The following KDSR variants were observed in gnomAD, a reference collection of about 807,000 sequenced individuals.
The protein encoded by KDSR is 3-dehydrosphinganine reductase.
KDSR carries 23 observed loss-of-function variants against 41.3 expected under a neutral mutation model. That is an observed-to-expected ratio of 0.56 (90% CI 0.40 to 0.79). The LOEUF is 0.79. Ranked by LOEUF, KDSR falls within the 30% of genes least tolerant of loss-of-function variation. The probability of loss-of-function intolerance (pLI) is 0.00; values close to 1 mark genes in which losing one functional copy is unlikely to be tolerated. For missense variants in KDSR, 351 were observed against 416.8 expected (o/e 0.84, Z 1.37); for synonymous variants, 138 against 151.7 (o/e 0.91, Z 0.66).
At chr18:63,344,640 T>C (rs1394493586) in intron 6 of KDSR, 147 bp from the exon 7 acceptor site, 14 of 555,796 alleles carry the variant, frequency 2.5e-5, no homozygotes, top group Non-Finnish European at 4.5e-5. Flanking sequence ...CCAATTGCAT[T>C]GAGAAACCCC....
rs201719061 is a variant in KDSR, at chr18:63,330,799, C to CT, written c.*982dup. 124 of 217,000 alleles carry CT rather than the reference C, an allele frequency of 5.7e-4. No individual in the cohort carries two copies. Among genetic ancestry groups the CT allele is most frequent in the African/African-American group, 2.7e-3 (114 of 42,674 alleles). 13.4% of individuals were successfully genotyped at this position (217,000 alleles called of 1,614,324 possible). A position where few individuals can be genotyped will look rare whatever the true frequency, so the allele number is the denominator to read the frequency against. ...AGTCAAGTCGAAAATTTTAGCTGGT[C>CT]TTTTTTTTCCTTTTTTTTTTTTTTT... On this transcript the variant is annotated 3_prime_UTR_variant, in exon 10 of 10. Transcript: ENST00000645214.
intron 5 of KDSR, among the ~76,000 whole-genome samples, chr18:63,351,694 T>G (rs546154162): frequency 6.6e-6 from 1 of 152,340 alleles, no homozygotes; most frequent in East Asian, 1.9e-4. Flanking sequence ...CCACTGGCTC[T>G]CCCATTATGA....
In KDSR at chr18:63,361,205, G is replaced by A. The variant is rs1436868065; in HGVS notation, c.199-1413C>T. 2.9e-4 allele frequency among the ~76,000 whole-genome samples: 17 copies of A among 59,310 alleles called. No individual in the cohort carries two copies. The Admixed American group carries it at 3.0e-3, about 10-fold the overall frequency. The allele number at this position is 59,310 out of a possible 152,430, so 38.9% of individuals were successfully genotyped here. ...AGCCTGGGTTACAGAGCAAAACTCC[G>A]TCTCAAAAAAAAAAAAAAAAAAAAA... On this transcript the variant is annotated intron_variant, in intron 2 of 9. Coordinates refer to ENST00000645214, the MANE Select transcript of KDSR (RefSeq NM_002035.4).
At position 63,330,367 on chromosome 18, in the gene KDSR, C is replaced by T. The variant is rs1214673935; in HGVS notation, c.*1415G>A. The T allele has an allele frequency of 4.4e-6, 1 of 226,876 alleles. No homozygotes were observed. The highest frequency in any genetic ancestry group is 8.8e-6 in the Non-Finnish European group (1 of 114,192). 14.1% of individuals were successfully genotyped at this position (226,876 alleles called of 1,614,324 possible). ...AGATCAAGGTGAAGGCAGCTCTCCT[C>T]AAGTCAGAGGAGTGTGAACAATGAG... On this transcript the variant is annotated 3_prime_UTR_variant, in exon 10 of 10. Transcript: ENST00000645214.
chr18:63,366,740 G>C (rs1300301298), intron 1 of KDSR: 1 of 361,118 alleles, frequency 2.8e-6, no homozygotes, highest in African/African-American at 2.1e-5. Context: ...AGAACCCCTG[G>C]GGCCCCGGGA....
At chr18:63,353,627 C>A (rs1027345662) in intron 5 of KDSR, among the ~76,000 whole-genome samples, 1 of 152,118 alleles carries the variant, frequency 6.6e-6, no homozygotes, top group Non-Finnish European at 1.5e-5. Flanking sequence ...GTGGTCGATC[C>A]ATACAAAGGA....
intron 3 of KDSR, among the ~76,000 whole-genome samples, chr18:63,356,962 A>G (rs1188754106): frequency 2.0e-5 from 3 of 152,256 alleles, no homozygotes. Flanking sequence ...AATTGCAAAA[A>G]TAAAAATACA....
intron 3 of KDSR, among the ~76,000 whole-genome samples, chr18:63,358,201 ATAT>A (rs1914858233): frequency 6.6e-6 from 1 of 151,966 alleles, no homozygotes; most frequent in African/African-American, 2.4e-5. Flanking sequence ...AATAATAATA[ATAT>A]TGAGTGAAGA....
intron 3 of KDSR, chr18:63,359,417 C>A: frequency 4.4e-6 from 1 of 228,764 alleles, no homozygotes; most frequent in Non-Finnish European, 8.6e-6. Flanking sequence ...TCAAAAATTC[C>A]ATAACCAAAT....
intron 9 of KDSR, among the ~76,000 whole-genome samples, chr18:63,333,374 CCATACT>C (rs1914069379): frequency 2.0e-5 from 3 of 152,312 alleles, no homozygotes; most frequent in Non-Finnish European, 4.4e-5. Context: ...GCATGAGCCA[CCATACT>C]CAGGTGCAAT....
At chr18:63,334,748 T>TGAGCA (rs1914107505) in intron 9 of KDSR, among the ~76,000 whole-genome samples, 1 of 152,222 alleles carries the variant, frequency 6.6e-6, no homozygotes, top group Admixed American at 6.5e-5. Flanking sequence ...GTACAGTGCC[T>TGAGCA]AGCACACCAA....
chr18:63,351,812 C>T (rs1299355194), intron 5 of KDSR, among the ~76,000 whole-genome samples: 1 of 151,980 alleles, frequency 6.6e-6, no homozygotes, highest in African/African-American at 2.4e-5. Context: ...GAGACGGGGT[C>T]TCACTCTGTC....
At chr18:63,361,056 AT>A (rs1914963213) in intron 2 of KDSR, among the ~76,000 whole-genome samples, 5 of 135,316 alleles carry the variant, frequency 3.7e-5, no homozygotes, top group Admixed American at 1.6e-4. Flanking sequence ...TATTTTATAT[AT>A]ATGTAAATAT....
intron 5 of KDSR, among the ~76,000 whole-genome samples, chr18:63,353,923 G>A (rs1423456596): frequency 6.6e-6 from 1 of 151,990 alleles, no homozygotes; most frequent in Non-Finnish European, 1.5e-5. Context: ...TTGTGAATAT[G>A]CTGAATCCCT....
Position 63,335,366 on chromosome 18 carries a change from A to T in KDSR, c.778-8T>A. On this transcript the variant is annotated splice_polypyrimidine_tract_variant and splice_region_variant and intron_variant, in intron 8 of 9. Coordinates refer to ENST00000645214, the MANE Select transcript of KDSR (RefSeq NM_002035.4). ...ACTGTTGAAATTTCCTTGCTAAAAG[A>T]GAAGAAAAAGAAGAGAAAGAGGGAA... 6.4e-7 allele frequency: 1 copy of T among 1,572,526 alleles called. No individual in the cohort carries two copies. The highest frequency in any genetic ancestry group is 2.2e-5 in the East Asian group (1 of 44,708).
At chr18:63,339,006 T>C (rs1914266130) in intron 7 of KDSR, 123 bp from the exon 8 acceptor site, 1 of 610,070 alleles carries the variant, frequency 1.6e-6, no homozygotes, top group Non-Finnish European at 2.8e-6. Flanking sequence ...CAGATTCCTA[T>C]TTCTAGAATA....
At chr18:63,358,087 C>A (rs1434380869) in intron 3 of KDSR, among the ~76,000 whole-genome samples, 2 of 152,082 alleles carry the variant, frequency 1.3e-5, no homozygotes, top group Non-Finnish European at 2.9e-5. Flanking sequence ...GAGGCTTGAA[C>A]CCAGGAGGCA....
chr18:63,358,267 A>G (rs1914861380), intron 3 of KDSR, among the ~76,000 whole-genome samples: 1 of 152,186 alleles, frequency 6.6e-6, no homozygotes, highest in Non-Finnish European at 1.5e-5. Flanking sequence ...TCTATAGAGA[A>G]AGAAAGTAGA....
At chr18:63,342,948 C>A (rs369573976) in intron 7 of KDSR, among the ~76,000 whole-genome samples, 4 of 152,112 alleles carry the variant, frequency 2.6e-5, no homozygotes, top group African/African-American at 9.7e-5. Flanking sequence ...TGAGTTCTCA[C>A]GAGATCTGGT....
Sources: allele counts gnomAD v4.1 joint callset (sites outside exome capture counted in the v4.1 genomes callset), GRCh38; gene constraint gnomAD v4.1.1; transcripts MANE v1.5; gene names NCBI Gene and HGNC (gene_info 2026-07-23, HGNC 2026-07-21).